The following NACC2 variants were observed in gnomAD, a reference collection of about 807,000 sequenced individuals.
The protein encoded by NACC2 is nucleus accumbens-associated protein 2.
Under a neutral mutation model 25.1 loss-of-function variants are expected in NACC2, and 8 were observed. The observed-to-expected ratio is 0.32, with a 90% CI of 0.19 to 0.57. The LOEUF is 0.57. Among genes scored for constraint, NACC2 ranks in the 20% least tolerant of loss-of-function variants. The probability of loss-of-function intolerance (pLI) is 0.89; values close to 1 mark genes in which losing one functional copy is unlikely to be tolerated. For missense variants in NACC2, 644 were observed against 650.2 expected, an observed-to-expected ratio of 0.99 and a Z score of 0.10; for synonymous variants, 435 against 294.7, an observed-to-expected ratio of 1.48 and a Z score of -4.88.
chr9:136,032,057 T>A (rs1234909140), intron 2 of NACC2, among the ~76,000 whole-genome samples: 1 of 142,606 alleles, frequency 7.0e-6, no homozygotes, highest in Non-Finnish European at 1.5e-5. Context: ...ACAGAAGGGA[T>A]GATTTCCCTC....
chr9:136,070,406 G>A (rs1316878425), intron 1 of NACC2, among the ~76,000 whole-genome samples: 1 of 151,822 alleles, frequency 6.6e-6, no homozygotes, highest in African/African-American at 2.4e-5. Context: ...CACTGGGGAG[G>A]CTGAGGCAGA....
At chr9:136,061,891 G>T (rs918988715) in intron 1 of NACC2, among the ~76,000 whole-genome samples, 2 of 151,968 alleles carry the variant, frequency 1.3e-5, no homozygotes, top group Admixed American at 6.6e-5. Flanking sequence ...AGGCCAAGGC[G>T]GGCGGATCAC....
At chr9:136,034,657 A>T (rs1244164098) in intron 2 of NACC2, among the ~76,000 whole-genome samples, 14 of 127,638 alleles carry the variant, frequency 1.1e-4, no homozygotes, top group South Asian at 4.4e-4. Context: ...AAAATGCTTT[A>T]AAAAAAAAAA....
intron 1 of NACC2, 117 bp from the exon 2 acceptor site, chr9:136,050,697 C>CAAAGAGGG (rs1840817069): frequency 1.6e-6 from 1 of 626,240 alleles, no homozygotes; most frequent in African/African-American, 1.8e-5. Context: ...GCCTTCCGCA[C>CAAAGAGGG]GCGCCCTCCC....
At chr9:136,069,406 G>A (rs10122351) in intron 1 of NACC2, among the ~76,000 whole-genome samples, 74,544 of 150,594 alleles carry the variant, frequency 0.49, 19,478 homozygotes, top group Middle Eastern at 0.64. Context: ...AAAATTAGCC[G>A]GGCGTGGTGG....
chr9:136,082,678 C>T (rs1830336345), intron 1 of NACC2, among the ~76,000 whole-genome samples: 1 of 152,228 alleles, frequency 6.6e-6, no homozygotes, highest in Non-Finnish European at 1.5e-5. Context: ...AAGAAGCACC[C>T]CTCCTGCCAG....
At chr9:136,033,648 CAAAAAAAAAA>C (rs558163152) in intron 2 of NACC2, among the ~76,000 whole-genome samples, 1 of 71,204 alleles carries the variant, frequency 1.4e-5, no homozygotes, top group African/African-American at 5.8e-5. Flanking sequence ...GACTCTGTCT[CAAAAAAAAAA>C]AAAAAAAAAA....
chr9:136,067,048 C>T (rs190820630), intron 1 of NACC2, among the ~76,000 whole-genome samples: 27 of 151,686 alleles, frequency 1.8e-4, no homozygotes, highest in Non-Finnish European at 2.9e-4. Context: ...GTCGGGAGTT[C>T]GAGACCAGCC....
intron 1 of NACC2, among the ~76,000 whole-genome samples, chr9:136,077,195 G>C (rs1302850317): frequency 1.3e-5 from 2 of 151,406 alleles, no homozygotes; most frequent in Non-Finnish European, 2.9e-5. Flanking sequence ...GCTGGGCGTG[G>C]TGGCGGGCGC....
intron 2 of NACC2, among the ~76,000 whole-genome samples, chr9:136,043,726 T>TG (rs1840680798): frequency 6.6e-5 from 10 of 152,196 alleles, no homozygotes; most frequent in Non-Finnish European, 1.5e-4. Flanking sequence ...AGGGTAACAT[T>TG]CTACAGGAGG....
At chr9:136,092,787 G>A (rs575082554) in intron 1 of NACC2, among the ~76,000 whole-genome samples, 1 of 152,310 alleles carries the variant, frequency 6.6e-6, no homozygotes, top group Non-Finnish European at 1.5e-5. Flanking sequence ...GAAACATGCT[G>A]GTGTATCCTG....
intron 2 of NACC2, among the ~76,000 whole-genome samples, chr9:136,035,942 T>C (rs1340975219): frequency 6.6e-6 from 1 of 152,184 alleles, no homozygotes; most frequent in Non-Finnish European, 1.5e-5. Context: ...TTTACAAACA[T>C]AGAACATCAT....
chr9:136,011,585 G>GC lies in NACC2; in HGVS notation c.1694dup (p.Ser567GlnfsTer42). ...CCGCCGGCGTCTGGGGCCTGCTGGGGCCGCCCCCGCCCTGCTCAAAGGGCT... is the reference window on the plus strand; with the variant it reads ...CCGCCGGCGTCTGGGGCCTGCTGGGGCCCGCCCCCGCCCTGCTCAAAGGGCT... On this transcript the variant is annotated frameshift_variant, in exon 6 of 6. Transcript: ENST00000277554. LOFTEE classifies it high-confidence loss of function. 7.1e-7 allele frequency: 1 copy of GC among 1,401,952 alleles called. No homozygotes were observed. The highest frequency in any genetic ancestry group is 9.2e-7 in the Non-Finnish European group (1 of 1,083,820). The allele number at this position is 1,401,952 out of a possible 1,614,324, so 86.8% of individuals were successfully genotyped here.
intron 3 of NACC2, among the ~76,000 whole-genome samples, chr9:136,015,664 T>C (rs926060026): frequency 7.9e-5 from 12 of 152,168 alleles, no homozygotes; most frequent in African/African-American, 2.9e-4. Context: ...TGGGGCTTCC[T>C]GGAAAACCGG....
At position 136,019,134 on chromosome 9, in the gene NACC2, C is replaced by CA. The variant is rs1339008130; in HGVS notation, c.887-2706dup. ...GTCCGCAAAGGTGCCTCAATGTCTT[C>CA]ACGCAGCCTCCACCTCCCCGGCCCC... On this transcript the variant is annotated intron_variant, in intron 2 of 5. Coordinates refer to ENST00000277554, the MANE Select transcript of NACC2 (RefSeq NM_144653.5). This position sits in a 1 kb window ranked among gnomAD's most constrained non-coding sequence, Gnocchi z 5.2. 2.0e-5 allele frequency: 3 copies of CA among 152,420 alleles called. No individual in the cohort carries two copies. Among genetic ancestry groups the CA allele is most frequent in the Admixed American group, 6.5e-5 (1 of 15,306 alleles). 9.4% of individuals were successfully genotyped at this position (152,420 alleles called of 1,614,324 possible).
chr9:136,021,410 C>T (rs553060692), intron 2 of NACC2, among the ~76,000 whole-genome samples: 10 of 152,244 alleles, frequency 6.6e-5, no homozygotes, highest in Non-Finnish European at 8.8e-5. Context: ...GTCCTGACGA[C>T]GTGGTCTCAC....
intron 1 of NACC2, among the ~76,000 whole-genome samples, chr9:136,067,305 G>A (rs538509583): frequency 3.3e-5 from 5 of 151,988 alleles, no homozygotes; most frequent in East Asian, 1.9e-4. Flanking sequence ...GCCTAGAGCC[G>A]GGAGCAGTGG....
intron 2 of NACC2, among the ~76,000 whole-genome samples, chr9:136,024,171 T>TCA (rs1840341634): frequency 1.5e-5 from 2 of 129,844 alleles, no homozygotes; most frequent in South Asian, 5.0e-4. Context: ...TGTGTGTGTG[T>TCA]GTGTGTGAGG....
At chr9:136,015,075 C>T (rs1330112732) in intron 3 of NACC2, among the ~76,000 whole-genome samples, 2 of 152,182 alleles carry the variant, frequency 1.3e-5, no homozygotes, top group Non-Finnish European at 2.9e-5. Context: ...TGCCCCACCA[C>T]TCCCACAGGC....
Sources: gnomAD v4.1 joint callset for allele counts (sites outside exome capture counted in the v4.1 genomes callset) on GRCh38, gnomAD v4.1.1 for gene constraint, Gnocchi (gnomAD v3.1) non-coding constraint, MANE v1.5 for transcripts, NCBI Gene and HGNC (gene_info 2026-07-23, HGNC 2026-07-21) for gene names.